The following TNRC6B variants were observed in gnomAD, a reference collection of about 807,000 sequenced individuals.
TNRC6B encodes trinucleotide repeat-containing gene 6B protein.
A neutral mutation model predicts 203.6 loss-of-function variants in TNRC6B; 52 were observed. The ratio of observed to expected loss-of-function variants is 0.26; its 90% CI spans 0.20 to 0.32. The LOEUF (loss-of-function observed/expected upper bound fraction) is 0.32, where lower values mean the gene tolerates loss of function less well. Ranked by LOEUF, TNRC6B falls within the 10% of genes least tolerant of loss-of-function variation. The pLI, the probability that TNRC6B is intolerant of heterozygous loss-of-function variation, is 1.00. For missense variants in TNRC6B, 1,923 were observed against 2,286.2 expected, an observed-to-expected ratio of 0.84 and a Z score of 3.24; for synonymous variants, 838 against 845.7, an observed-to-expected ratio of 0.99 and a Z score of 0.16.
intron 1 of TNRC6B, among the ~76,000 whole-genome samples, chr22:40,211,261 G>A (rs1411292225): frequency 6.6e-6 from 1 of 152,042 alleles, no homozygotes; most frequent in Admixed American, 6.5e-5. Context: ...TTTATTTTTT[G>A]TAGAAAGGAG....
chr22:40,156,050 G>C, intron 3 of TNRC6B: 2 of 1,465,744 alleles, frequency 1.4e-6, no homozygotes, highest in South Asian at 1.2e-5. Context: ...GGCAGGTGTG[G>C]GTTCTTGGAG....
chr22:40,062,734 C>G (rs1006482269), intron 1 of TNRC6B, among the ~76,000 whole-genome samples: 1 of 152,106 alleles, frequency 6.6e-6, no homozygotes, highest in African/African-American at 2.4e-5. Flanking sequence ...CGTTTTCATG[C>G]ACTTATTGGC....
chr22:40,147,714 G>C (rs2068708012), intron 3 of TNRC6B, among the ~76,000 whole-genome samples: 2 of 152,178 alleles, frequency 1.3e-5, no homozygotes, highest in Admixed American at 1.3e-4. Flanking sequence ...CTGGGGATTA[G>C]GTTTTCAACA....
intron 1 of TNRC6B, among the ~76,000 whole-genome samples, chr22:40,070,593 A>G (rs1266679788): frequency 6.6e-6 from 1 of 152,180 alleles, no homozygotes; most frequent in Non-Finnish European, 1.5e-5. Context: ...ATCTTTATAG[A>G]TATTCAAAGT....
At chr22:40,305,666 A>C (rs968877223) in intron 15 of TNRC6B, among the ~76,000 whole-genome samples, 1 of 152,140 alleles carries the variant, frequency 6.6e-6, no homozygotes, top group Non-Finnish European at 1.5e-5. Context: ...GAACCTTTCA[A>C]GGCAATTTTC....
intron 3 of TNRC6B, among the ~76,000 whole-genome samples, chr22:40,136,487 C>A (rs6001796): frequency 7.3e-4 from 111 of 151,606 alleles, no homozygotes; most frequent in African/African-American, 2.6e-3. Context: ...CAGCCTGAAC[C>A]TCTTGGGCTC....
chr22:40,266,193 A>G lies in TNRC6B; in HGVS notation c.1963A>G (p.Ser655Gly). The change falls in exon 5 of 23, where the codon AGC becomes GGC. Residue 655 changes from serine to glycine, a missense_variant. Ser to Gly is a moderately conservative substitution (Grantham distance 56). Around this residue, in one of 8 missense-constraint regions of TNRC6B, gnomAD observed 38 missense variants for 70.3 expected, o/e 0.54. Transcript: ENST00000454349. ...KSDKGTEGWE[S>G]AATQTKNSGG... ...TGACAAAGGAACTGAGGGGTGGGAG[A>G]GCGCTGCCACACAGACCAAGAACTC... 6.2e-7 allele frequency: 1 copy of G among 1,612,744 alleles called. No homozygotes were observed. Among genetic ancestry groups the G allele is most frequent in the Non-Finnish European group, 8.5e-7 (1 of 1,179,284 alleles).
intron 1 of TNRC6B, among the ~76,000 whole-genome samples, chr22:40,046,139 A>G (rs561489250): frequency 3.3e-5 from 5 of 152,246 alleles, no homozygotes; most frequent in Non-Finnish European, 5.9e-5. Flanking sequence ...GCATTTTGTG[A>G]AAGTTTACTA....
intron 15 of TNRC6B, 42 bp from the exon 16 acceptor site, chr22:40,308,470 C>A (rs1282862270): frequency 6.2e-7 from 1 of 1,612,874 alleles, no homozygotes; most frequent in Non-Finnish European, 8.5e-7. Context: ...ACTCTTGATA[C>A]TGATGCTGGA....
At chr22:40,296,138 C>G (rs1487336924) in intron 12 of TNRC6B, among the ~76,000 whole-genome samples, 3 of 152,054 alleles carry the variant, frequency 2.0e-5, no homozygotes, top group African/African-American at 7.2e-5. Flanking sequence ...ATACCGAATT[C>G]CAGCCTTAAC....
chr22:40,062,815 TTATTGTTC>T (rs2067865382), intron 1 of TNRC6B, among the ~76,000 whole-genome samples: 2 of 152,238 alleles, frequency 1.3e-5, no homozygotes, highest in African/African-American at 2.4e-5. Context: ...GTTACTTGTC[TTATTGTTC>T]AATTATAATA....
chr22:40,160,916 C>A (rs1346654744), intron 4 of TNRC6B, among the ~76,000 whole-genome samples: 1 of 152,082 alleles, frequency 6.6e-6, no homozygotes, highest in Non-Finnish European at 1.5e-5. Flanking sequence ...GTTGAAATAT[C>A]TTTTGTTAGT....
At chr22:40,225,551 A>T (rs1440089296) in intron 1 of TNRC6B, among the ~76,000 whole-genome samples, 1 of 152,186 alleles carries the variant, frequency 6.6e-6, no homozygotes, top group East Asian at 1.9e-4. Flanking sequence ...CAACATGGTG[A>T]AAACCCATCT....
rs201386577 is a variant in TNRC6B at position 40,188,219 on chromosome 22, AAAAC to A, written c.5+10083_5+10086del. 3.9e-4 allele frequency among the ~76,000 whole-genome samples: 59 copies of A among 152,264 alleles called. 1 individual carries two copies. In the East Asian group the frequency reaches 4.4e-3, roughly 11 times the overall value. On this transcript the variant is annotated intron_variant, in intron 1 of 22. Coordinates refer to ENST00000454349, the MANE Select transcript of TNRC6B (RefSeq NM_001162501.2). Reference sequence around the variant, plus strand: ...GCAACACTGTGTCTCAAAAAAAAATAAAACAAAATAAAGAAATGATCTTGAATCC... The same window carrying A: ...GCAACACTGTGTCTCAAAAAAAAATAAAAATAAAGAAATGATCTTGAATCC...
At chr22:40,300,735 G>A in intron 13 of TNRC6B, 149 bp downstream of exon 13, 3 of 1,263,062 alleles carry the variant, frequency 2.4e-6, no homozygotes, top group East Asian at 2.5e-5. Context: ...TGTGCTTAAG[G>A]GTTGTCAGCT....
chr22:40,155,581 C>T (rs1188915707), intron 3 of TNRC6B, among the ~76,000 whole-genome samples: 9 of 152,138 alleles, frequency 5.9e-5, no homozygotes, highest in Admixed American at 5.2e-4. Context: ...GCCACCCTGC[C>T]TGGCTGACAA....
chr22:40,061,415 G>T (rs1219706970), intron 1 of TNRC6B, among the ~76,000 whole-genome samples: 1 of 151,586 alleles, frequency 6.6e-6, no homozygotes, highest in African/African-American at 2.4e-5. Context: ...TAGCGACAGG[G>T]TTTCACCATG....
chr22:40,194,112 G>C (rs546759733), intron 1 of TNRC6B, among the ~76,000 whole-genome samples: 1 of 152,216 alleles, frequency 6.6e-6, no homozygotes, highest in Non-Finnish European at 1.5e-5. Context: ...ATGCATGACA[G>C]TGCGTGTTAG....
intron 1 of TNRC6B, among the ~76,000 whole-genome samples, chr22:40,108,223 C>G (rs1009009384): frequency 6.6e-6 from 1 of 152,140 alleles, no homozygotes; most frequent in African/African-American, 2.4e-5. Context: ...GAAAACCTGA[C>G]GTGGCCTCTA....
Sources: gnomAD v4.1 joint callset for allele counts (sites outside exome capture counted in the v4.1 genomes callset) on GRCh38, gnomAD v4.1.1 for gene constraint, gnomAD v4.1.1 regional missense constraint, MANE v1.5 for transcripts, NCBI Gene and HGNC (gene_info 2026-07-23, HGNC 2026-07-21) for gene names.